BMPER: variants seen among roughly 807,000 people sequenced by gnomAD.
The protein encoded by BMPER is BMP binding endothelial regulator.
A neutral mutation model predicts 87.3 loss-of-function variants in BMPER; 45 were observed. That is an observed-to-expected ratio of 0.52 (90% CI 0.41 to 0.66). The LOEUF is 0.66. Ranked by LOEUF, BMPER falls within the 30% of genes least tolerant of loss-of-function variation. The pLI is 0.00. For synonymous variants in BMPER, 326 were observed against 316.2 expected (o/e 1.03, Z -0.33); for missense variants, 784 against 867.5 (o/e 0.90, Z 1.21).
At chr7:34,044,688 C>T (rs920865712) in intron 6 of BMPER, among the ~76,000 whole-genome samples, 7 of 151,866 alleles carry the variant, frequency 4.6e-5, no homozygotes, top group East Asian at 1.9e-4. Context: ...CTTGTTGATT[C>T]GGAAATAATG....
intron 13 of BMPER, among the ~76,000 whole-genome samples, chr7:34,090,956 G>A (rs1789363172): frequency 6.6e-6 from 1 of 152,200 alleles, no homozygotes; most frequent in South Asian, 2.1e-4. Context: ...TTCCTTCCAT[G>A]CAGTGGATTT....
intron 2 of BMPER, among the ~76,000 whole-genome samples, chr7:33,929,237 A>G (rs1418478595): frequency 6.6e-6 from 1 of 152,126 alleles, no homozygotes; most frequent in Non-Finnish European, 1.5e-5. Flanking sequence ...AGTGCAATGA[A>G]TTGCATGATG....
chr7:33,998,384 G>C (rs1786477626), intron 6 of BMPER, among the ~76,000 whole-genome samples: 1 of 152,172 alleles, frequency 6.6e-6, no homozygotes, highest in African/African-American at 2.4e-5. Context: ...ACTTCGGTGG[G>C]AATCTGGTCA....
At chr7:33,927,268 T>A (rs1449136664) in intron 2 of BMPER, among the ~76,000 whole-genome samples, 1 of 152,160 alleles carries the variant, frequency 6.6e-6, no homozygotes, top group Non-Finnish European at 1.5e-5. Context: ...CTCTGTGGCT[T>A]GTTGTTGACC....
chr7:34,019,734 C>T (rs117238576), intron 6 of BMPER, among the ~76,000 whole-genome samples: 2,295 of 151,994 alleles, frequency 0.015, 30 homozygotes, highest in Non-Finnish European at 0.023. Context: ...GACGTGGCTC[C>T]GGCTTCACCG....
chr7:33,970,353 G>C lies in BMPER; in HGVS notation c.427G>C (p.Val143Leu). The change falls in exon 5 of 15, where the codon GTG (valine) becomes CTG (leucine). Residue 143 changes from valine (V) to leucine (L), a missense_variant. Val to Leu is a conservative substitution (Grantham distance 32). Coordinates refer to ENST00000649409, the MANE Select transcript of BMPER (RefSeq NM_001365308.1). ...CQEGVVTESG[V>L]RCVVHCKNPL... Reference sequence around the variant, plus strand: ...GGAGGGCGTTGTCACAGAGTCTGGGGTGCGCTGTGTTGTTCATTGTAAAAA... The same window carrying C: ...GGAGGGCGTTGTCACAGAGTCTGGGCTGCGCTGTGTTGTTCATTGTAAAAA... 1.2e-6 allele frequency: 2 copies of C among 1,614,124 alleles called. No homozygotes were observed. Among genetic ancestry groups the C allele is most frequent in the Non-Finnish European group, 1.7e-6 (2 of 1,179,980 alleles).
rs1007278455 is a variant in BMPER at position 34,155,672 on chromosome 7, T to A, written c.*2399T>A. ...GGAGAGGGTGAGGAAATCAGCTGAA[T>A]GGTTGGCCTGCATATTCTTTTTTAG... On this transcript the variant is annotated 3_prime_UTR_variant, in exon 15 of 15. Coordinates refer to ENST00000649409, the MANE Select transcript of BMPER (RefSeq NM_001365308.1). The A allele has an allele frequency of 6.6e-6, 1 of 152,206 alleles. No homozygotes were observed. Among genetic ancestry groups the A allele is most frequent in the Admixed American group, 6.5e-5 (1 of 15,288 alleles). The allele number at this position is 152,206 out of a possible 1,614,324, so 9.4% of individuals were successfully genotyped here.
intron 6 of BMPER, among the ~76,000 whole-genome samples, chr7:34,032,851 G>A (rs1787565211): frequency 6.6e-6 from 1 of 152,102 alleles, no homozygotes; most frequent in Non-Finnish European, 1.5e-5. Flanking sequence ...CCATTTTCCA[G>A]CAGGACTGAT....
chr7:33,993,633 T>A (rs1786300621), intron 6 of BMPER, among the ~76,000 whole-genome samples: 1 of 152,118 alleles, frequency 6.6e-6, no homozygotes, highest in African/African-American at 2.4e-5. Context: ...AAAGTCATTC[T>A]CCATCCAGCT....
intron 13 of BMPER, among the ~76,000 whole-genome samples, chr7:34,116,222 C>T (rs1390784022): frequency 1.3e-5 from 2 of 152,156 alleles, no homozygotes; most frequent in Non-Finnish European, 2.9e-5. Flanking sequence ...TGATTGTGAT[C>T]CCATTACCTA....
Position 34,076,550 on chromosome 7 carries a change from CA to C in BMPER, c.1079-2306del, listed in dbSNP as rs58643971. ...CATGAAGATTATTCACAAACTTTTT[CA>C]GTGACTAGATCATAGTTCATTTTAT... On this transcript the variant is annotated intron_variant, in intron 11 of 14. Transcript: ENST00000649409. 1.6e-4 allele frequency among the ~76,000 whole-genome samples: 24 copies of C among 152,154 alleles called. No homozygotes were observed. In the East Asian group the frequency reaches 3.9e-3, roughly 25 times the overall value.
chr7:34,138,041 T>C (rs776554765), intron 13 of BMPER, among the ~76,000 whole-genome samples: 25 of 152,218 alleles, frequency 1.6e-4, no homozygotes, highest in Admixed American at 9.8e-4. Flanking sequence ...CAATCCACTC[T>C]GTCCAATATG....
intron 6 of BMPER, among the ~76,000 whole-genome samples, chr7:34,038,947 C>T (rs1009520424): frequency 6.6e-6 from 1 of 152,190 alleles, no homozygotes; most frequent in East Asian, 1.9e-4. Context: ...TTGGTTTCAG[C>T]ACAGACTCCT....
chr7:33,961,975 G>A (rs755204387), intron 3 of BMPER, among the ~76,000 whole-genome samples: 1 of 152,126 alleles, frequency 6.6e-6, no homozygotes, highest in Non-Finnish European at 1.5e-5. Context: ...ATGTTAATGT[G>A]AAAAATGAGA....
intron 10 of BMPER, 146 bp from the exon 11 acceptor site, chr7:34,061,856 C>A: frequency 1.5e-6 from 1 of 684,674 alleles, no homozygotes; most frequent in South Asian, 1.9e-5. Context: ...ATCTTCATCA[C>A]CATCTGGGCA....
At chr7:33,961,464 A>G (rs1785269579) in intron 3 of BMPER, among the ~76,000 whole-genome samples, 1 of 152,260 alleles carries the variant, frequency 6.6e-6, no homozygotes, top group Non-Finnish European at 1.5e-5. Flanking sequence ...CTGTGTAGGA[A>G]GATGGCTTAA....
In BMPER at chr7:33,937,298, G is replaced by A. The variant is rs376317780; in HGVS notation, c.229G>A (p.Val77Met). The A allele has an allele frequency of 8.6e-5, 139 of 1,613,956 alleles. No individual in the cohort carries two copies. Among genetic ancestry groups the A allele is most frequent in the Non-Finnish European group, 1.2e-4 (136 of 1,179,928 alleles). Residue 77 changes from valine to methionine, a missense_variant, in exon 3 of 15, where the codon GTG becomes ATG. Transcript: ENST00000649409. The stretch of plus-strand genomic sequence containing the variant: ...GTCTCTTTTTGTCTAGAACAAGGAA[G>A]TGACATGTAAGAGAGAGAAGTGCCC... ...CIMCVCLNKE[V>M]TCKREKCPVL...
At chr7:34,020,318 G>T (rs1787145414) in intron 6 of BMPER, among the ~76,000 whole-genome samples, 1 of 151,978 alleles carries the variant, frequency 6.6e-6, no homozygotes, top group Non-Finnish European at 1.5e-5. Context: ...TGGAAATCTG[G>T]TATAGAAATA....
intron 11 of BMPER, among the ~76,000 whole-genome samples, chr7:34,070,447 T>C (rs757497300): frequency 1.3e-5 from 2 of 152,172 alleles, no homozygotes; most frequent in African/African-American, 2.4e-5. Flanking sequence ...ATAAATACTT[T>C]CCTTGCCATT....
Sources: allele counts gnomAD v4.1 joint callset (sites outside exome capture counted in the v4.1 genomes callset), GRCh38; gene constraint gnomAD v4.1.1; transcripts MANE v1.5; gene names NCBI Gene and HGNC (gene_info 2026-07-23, HGNC 2026-07-21).